The following XKR3 variants were observed in gnomAD, a reference collection of about 807,000 sequenced individuals.
XKR3 encodes the protein XK related 3.
XKR3 carries 27 observed loss-of-function variants against 40.3 expected under a neutral mutation model. The ratio of observed to expected loss-of-function variants is 0.67; its 90% CI spans 0.49 to 0.92. XKR3 has a LOEUF of 0.92. Ranked by LOEUF, XKR3 falls within the 40% of genes least tolerant of loss-of-function variation. The pLI is 0.00. For synonymous variants in XKR3, 193 were observed against 195.4 expected (o/e 0.99, Z 0.10); for missense variants, 472 against 537.6 (o/e 0.88, Z 1.21).
intron 3 of XKR3, among the ~76,000 whole-genome samples, chr22:16,794,377 G>T (rs1347176392): frequency 5.3e-5 from 8 of 152,022 alleles, no homozygotes; most frequent in African/African-American, 1.9e-4. Context: ...CATCAGGATG[G>T]CAGCAGACCT....
chr22:16,806,793 GA>G (rs1378858390), intron 2 of XKR3, among the ~76,000 whole-genome samples: 1 of 151,918 alleles, frequency 6.6e-6, no homozygotes, highest in Non-Finnish European at 1.5e-5. Flanking sequence ...AAAGTAAAAT[GA>G]AAATATACTT....
intron 2 of XKR3, among the ~76,000 whole-genome samples, chr22:16,802,785 G>A (rs1233268637): frequency 1.3e-5 from 2 of 152,144 alleles, no homozygotes; most frequent in Non-Finnish European, 2.9e-5. Context: ...ACTGCACCCA[G>A]CAGTCATCCC....
chr22:16,796,065 C>T (rs2060139230), intron 3 of XKR3, among the ~76,000 whole-genome samples: 2 of 152,238 alleles, frequency 1.3e-5, no homozygotes. Flanking sequence ...TCAGAGACAA[C>T]TATGAACAAC....
chr22:16,812,945 T>C (rs1951723609), intron 1 of XKR3, among the ~76,000 whole-genome samples: 2 of 152,132 alleles, frequency 1.3e-5, no homozygotes, highest in Non-Finnish European at 2.9e-5. Flanking sequence ...CAGCCTTTTG[T>C]TGTAGATTAT....
intron 2 of XKR3, among the ~76,000 whole-genome samples, chr22:16,801,058 T>C (rs1171343666): frequency 1.3e-5 from 2 of 152,108 alleles, no homozygotes; most frequent in Non-Finnish European, 2.9e-5. Context: ...TAATATATGA[T>C]GGAGATTATA....
chr22:16,819,011 G>T (rs9605155), intron 1 of XKR3, among the ~76,000 whole-genome samples: 67,450 of 151,650 alleles, frequency 0.44, 15,332 homozygotes, highest in Non-Finnish European at 0.46. Context: ...AGGTCAGGAG[G>T]ACCCCAAATT....
chr22:16,807,501 T>C (rs920460465), intron 2 of XKR3, among the ~76,000 whole-genome samples: 1 of 152,138 alleles, frequency 6.6e-6, no homozygotes, highest in African/African-American at 2.4e-5. Flanking sequence ...AACACATACA[T>C]AGAAAGAAGA....
At chr22:16,809,466 A>G (rs952115719) in intron 1 of XKR3, among the ~76,000 whole-genome samples, 2 of 152,184 alleles carry the variant, frequency 1.3e-5, no homozygotes, top group Non-Finnish European at 2.9e-5. Context: ...TCTGCTTTTA[A>G]TTGCCACAGA....
intron 3 of XKR3, among the ~76,000 whole-genome samples, chr22:16,792,263 CAT>C (rs1364084771): frequency 6.6e-6 from 1 of 152,130 alleles, no homozygotes; most frequent in African/African-American, 2.4e-5. Flanking sequence ...ACACAATTTT[CAT>C]ATGTTTATAA....
Position 16,820,500 on chromosome 22 carries a change from T to C in XKR3, c.-11+4791A>G, listed in dbSNP as rs148185317. 6.7e-3 allele frequency among the ~76,000 whole-genome samples: 1,016 copies of C among 152,256 alleles called. 6 individuals carry two copies. The highest frequency in any genetic ancestry group is 0.013 in the Admixed American group (194 of 15,282). On this transcript the variant is annotated intron_variant, in intron 1 of 3. Coordinates refer to ENST00000684488, the MANE Select transcript of XKR3 (RefSeq NM_001386955.1). ...TTGCTGGATTCCTTCATATTTAACATGGACCTGGGTGCTGCAGCTTCTCAA... is the reference window on the plus strand; with the variant it reads ...TTGCTGGATTCCTTCATATTTAACACGGACCTGGGTGCTGCAGCTTCTCAA...
intron 3 of XKR3, among the ~76,000 whole-genome samples, chr22:16,788,285 C>G (rs1379735013): frequency 6.6e-6 from 1 of 151,914 alleles, no homozygotes; most frequent in African/African-American, 2.4e-5. Context: ...TGGATATGAC[C>G]AAAGCAGTTT....
chr22:16,784,419 A>G lies in XKR3; in HGVS notation c.590-10T>C. 1 of 1,564,500 alleles carries G rather than the reference A, an allele frequency of 6.4e-7. No individual in the cohort carries two copies. Among genetic ancestry groups the G allele is most frequent in the Non-Finnish European group, 8.6e-7 (1 of 1,159,348 alleles). On this transcript the variant is annotated splice_polypyrimidine_tract_variant and intron_variant, in intron 3 of 3. Transcript: ENST00000684488. ...AATGTCATCAGCAATGCTATTAAAG[A>G]CAAACATGAAAATGTTAGAGAATAT...
At chr22:16,801,686 CAA>C (rs71688132) in intron 2 of XKR3, among the ~76,000 whole-genome samples, 11,084 of 121,812 alleles carry the variant, frequency 0.091, 468 homozygotes, top group South Asian at 0.17. Flanking sequence ...AAGCTATCAG[CAA>C]AAAAAAAAAA....
At chr22:16,818,064 A>G (rs1362250627) in intron 1 of XKR3, among the ~76,000 whole-genome samples, 1 of 152,114 alleles carries the variant, frequency 6.6e-6, no homozygotes, top group Non-Finnish European at 1.5e-5. Flanking sequence ...TGGCTTTTTC[A>G]CATATATTAT....
At chr22:16,812,837 C>G (rs2060218070) in intron 1 of XKR3, among the ~76,000 whole-genome samples, 1 of 152,100 alleles carries the variant, frequency 6.6e-6, no homozygotes, top group Non-Finnish European at 1.5e-5. Context: ...TCCTAGAGCC[C>G]TTGGTATCCA....
intron 3 of XKR3, among the ~76,000 whole-genome samples, chr22:16,785,488 G>T (rs1295283631): frequency 6.6e-6 from 1 of 152,106 alleles, no homozygotes; most frequent in African/African-American, 2.4e-5. Context: ...TGAAGTAGTT[G>T]AATAATTGGT....
At chr22:16,795,115 C>T (rs2060135104) in intron 3 of XKR3, among the ~76,000 whole-genome samples, 1 of 152,178 alleles carries the variant, frequency 6.6e-6, no homozygotes, top group East Asian at 1.9e-4. Flanking sequence ...TTCTTCTCAT[C>T]TGCACAGAAT....
intron 1 of XKR3, among the ~76,000 whole-genome samples, chr22:16,823,630 A>G (rs1037698933): frequency 6.6e-6 from 1 of 152,222 alleles, no homozygotes; most frequent in Non-Finnish European, 1.5e-5. Context: ...TCTGATTGCC[A>G]ATTTGCAGCA....
At chr22:16,824,270 CAT>C (rs903325541) in intron 1 of XKR3, among the ~76,000 whole-genome samples, 1 of 152,094 alleles carries the variant, frequency 6.6e-6, no homozygotes, top group Non-Finnish European at 1.5e-5. Flanking sequence ...ATACGGGAAT[CAT>C]GTGCAGATGA....
Sources: gnomAD v4.1 joint callset for allele counts (sites outside exome capture counted in the v4.1 genomes callset) on GRCh38, gnomAD v4.1.1 for gene constraint, MANE v1.5 for transcripts, NCBI Gene and HGNC (gene_info 2026-07-23, HGNC 2026-07-21) for gene names.